The following WSCD2 variants were observed in gnomAD, a reference collection of about 807,000 sequenced individuals.
WSCD2 encodes WSC domain sialate O sulfotransferase 2.
WSCD2 carries 28 observed loss-of-function variants against 55.7 expected under a neutral mutation model. The observed-to-expected ratio is 0.50, with a 90% CI of 0.37 to 0.69. WSCD2 has a LOEUF of 0.69. Among genes scored for constraint, WSCD2 ranks in the 30% least tolerant of loss-of-function variants. The probability of loss-of-function intolerance (pLI) is 0.00; values close to 1 mark genes in which losing one functional copy is unlikely to be tolerated. For synonymous variants in WSCD2, 301 were observed against 301.9 expected (o/e 1.00, Z 0.03); for missense variants, 616 against 762.1 (o/e 0.81, Z 2.26).
chr12:108,132,673 G>A lies in WSCD2; in HGVS notation c.-552+2747G>A, dbSNP rs536548526. Among the ~76,000 whole-genome samples the A allele has an allele frequency of 3.3e-5, 5 of 152,332 alleles. No individual in the cohort carries two copies. The South Asian group carries it at 6.2e-4, about 19-fold the overall frequency. ...CAGGTGTATGCCTGCACAGATCCAC[G>A]TGTGTGCTCTAGGGGATCTGTGCAG... On this transcript the variant is annotated intron_variant, in intron 1 of 8. Coordinates refer to ENST00000547525, the MANE Select transcript of WSCD2 (RefSeq NM_014653.4).
rs927700018 is a variant in WSCD2 at position 108,227,247 on chromosome 12, C to T, written c.979+83C>T. The T allele has an allele frequency of 3.2e-5, 48 of 1,486,140 alleles. No homozygotes were observed. The South Asian group carries it at 5.4e-4, about 17-fold the overall frequency. 92.1% of individuals were successfully genotyped at this position (1,486,140 alleles called of 1,614,324 possible). ...GACGTGTTCCTGCCAGTCCATCCCA[C>T]ACAGCCTGCAGCAAGGAGAAAACCA... On this transcript the variant is annotated intron_variant, in intron 6 of 8. Coordinates refer to ENST00000547525, the MANE Select transcript of WSCD2 (RefSeq NM_014653.4).
intron 1 of WSCD2, among the ~76,000 whole-genome samples, chr12:108,131,341 G>A (rs1031216516): frequency 2.6e-5 from 4 of 152,176 alleles, no homozygotes; most frequent in Non-Finnish European, 5.9e-5. Context: ...ACACTCTATG[G>A]CCCTGAGTGA....
At chr12:108,174,778 C>G (rs1386912438) in intron 1 of WSCD2, among the ~76,000 whole-genome samples, 6 of 152,266 alleles carry the variant, frequency 3.9e-5, no homozygotes, top group Middle Eastern at 3.4e-3. Context: ...CTGCACCTGG[C>G]TAACTTTAAA....
intron 1 of WSCD2, among the ~76,000 whole-genome samples, chr12:108,133,375 G>A (rs1027964585): frequency 1.1e-4 from 16 of 152,040 alleles, no homozygotes; most frequent in Non-Finnish European, 1.6e-4. Flanking sequence ...ATCTCTGGGC[G>A]TACATGTGTG....
rs539335842 is a variant in WSCD2, at chr12:108,235,874, G to A, written c.1144+2979G>A. Among the ~76,000 whole-genome samples, 33 of 152,296 alleles carry A rather than the reference G, an allele frequency of 2.2e-4. No homozygotes were observed. The South Asian group carries it at 6.8e-3, about 32-fold the overall frequency. Reference sequence around the variant, plus strand: ...TCTCCCTGGGAGCTTGGAGTTGGCAGTAGGGGTATAGACAAAATGAAGAGC... The same window carrying A: ...TCTCCCTGGGAGCTTGGAGTTGGCAATAGGGGTATAGACAAAATGAAGAGC... On this transcript the variant is annotated intron_variant, in intron 7 of 8. Transcript: ENST00000547525.
At chr12:108,131,089 C>T (rs1365966935) in intron 1 of WSCD2, among the ~76,000 whole-genome samples, 1 of 152,108 alleles carries the variant, frequency 6.6e-6, no homozygotes, top group East Asian at 1.9e-4. Flanking sequence ...GGATTCCGAT[C>T]TCAGGCCAAG....
In WSCD2 at chr12:108,129,423, C is replaced by T. The variant is rs1187354018; in HGVS notation, c.-1055C>T. ...AGAGAGCCAGGCGGCCGGAGCTCCG[C>T]GCCGAGCCGCAGCCGGTGCCCTGCG... On this transcript the variant is annotated 5_prime_UTR_variant, in exon 1 of 9. Transcript: ENST00000547525. 5 of 150,810 alleles carry T rather than the reference C, an allele frequency of 3.3e-5. No homozygotes were observed. Among genetic ancestry groups the T allele is most frequent in the Non-Finnish European group, 7.4e-5 (5 of 67,248 alleles). The allele number at this position is 150,810 out of a possible 1,614,324, so 9.3% of individuals were successfully genotyped here. A position where few individuals can be genotyped will look rare whatever the true frequency, so the allele number is the denominator to read the frequency against.
intron 1 of WSCD2, among the ~76,000 whole-genome samples, chr12:108,130,478 GTGTGTGTGTGTGTGTGT>G: frequency 2.1e-5 from 1 of 46,576 alleles, no homozygotes; most frequent in East Asian, 3.7e-4. Flanking sequence ...ATTCTGGGGT[GTGTGTGTGTGTGTGTGT>G]GTGTGTGTGT....
intron 4 of WSCD2, among the ~76,000 whole-genome samples, chr12:108,214,074 C>A (rs922866501): frequency 1.3e-5 from 2 of 152,196 alleles, no homozygotes; most frequent in Non-Finnish European, 2.9e-5. Context: ...AAGTCACTGG[C>A]ACACAACTCT....
rs1003631641 is a variant in WSCD2 at position 108,210,727 on chromosome 12, A to G, written c.682+422A>G. 6.6e-6 allele frequency among the ~76,000 whole-genome samples: 1 copy of G among 152,198 alleles called. No homozygotes were observed. The highest frequency in any genetic ancestry group is 1.5e-5 in the Non-Finnish European group (1 of 68,032). Reference sequence around the variant, plus strand: ...TAGAATAGCACATCTAATCTTCACAATGACCCTTGACATAGGTACTATTAT... The same window carrying G: ...TAGAATAGCACATCTAATCTTCACAGTGACCCTTGACATAGGTACTATTAT... On this transcript the variant is annotated intron_variant, in intron 4 of 8. Coordinates refer to ENST00000547525, the MANE Select transcript of WSCD2 (RefSeq NM_014653.4). The surrounding 1 kb of genome is among the most constrained non-coding windows in gnomAD (Gnocchi z 4.3).
intron 3 of WSCD2, among the ~76,000 whole-genome samples, chr12:108,209,648 G>A (rs1372412585): frequency 6.6e-6 from 1 of 151,928 alleles, no homozygotes; most frequent in Non-Finnish European, 1.5e-5. Flanking sequence ...GGGCCTCCCT[G>A]TATTCCTTCT....
intron 1 of WSCD2, among the ~76,000 whole-genome samples, chr12:108,169,893 A>G (rs1880053517): frequency 6.6e-6 from 1 of 152,208 alleles, no homozygotes; most frequent in Non-Finnish European, 1.5e-5. Context: ...CACCCCAAAC[A>G]AGGTCCTCAC....
At chr12:108,150,731 C>T (rs974425775) in intron 1 of WSCD2, among the ~76,000 whole-genome samples, 11 of 152,134 alleles carry the variant, frequency 7.2e-5, no homozygotes, top group African/African-American at 2.7e-4. Context: ...CTCTCTCTGC[C>T]CACCCTGCCC....
intron 1 of WSCD2, among the ~76,000 whole-genome samples, chr12:108,174,099 C>T (rs1420442951): frequency 2.6e-5 from 4 of 152,044 alleles, no homozygotes; most frequent in South Asian, 4.2e-4. Flanking sequence ...ATGACAAAAC[C>T]GAGGCCCAGT....
chr12:108,135,182 A>G (rs1379864888), intron 1 of WSCD2, among the ~76,000 whole-genome samples: 1 of 152,176 alleles, frequency 6.6e-6, no homozygotes, highest in Admixed American at 6.5e-5. Flanking sequence ...CCATGCATCC[A>G]TTCAAGTATT....
chr12:108,240,499 G>A lies in WSCD2; in HGVS notation c.1300G>A (p.Gly434Ser), dbSNP rs928043212. 1.9e-6 allele frequency: 3 copies of A among 1,613,288 alleles called. No individual in the cohort carries two copies. Among genetic ancestry groups the A allele is most frequent in the South Asian group, 1.1e-5 (1 of 91,080 alleles). The change falls in exon 8 of 9, where the codon GGC (glycine) becomes AGC (serine). Residue 434 changes from glycine (G) to serine (S), a missense_variant. Gly to Ser is a moderately conservative substitution (Grantham distance 56). Around this residue, in one of 3 missense-constraint regions of WSCD2, gnomAD observed 234 missense variants for 264.6 expected, o/e 0.88. Coordinates refer to ENST00000547525, the MANE Select transcript of WSCD2 (RefSeq NM_014653.4). ...CATGGCTGAGTTCAACCGCAAGTAC[G>A]GCGGCCACATAGGCTTTGCTGCGCA... ...ALMAEFNRKYGGHIGFAAHAH... is the reference protein window; with the variant it reads ...ALMAEFNRKYSGHIGFAAHAH...
intron 2 of WSCD2, among the ~76,000 whole-genome samples, chr12:108,202,718 A>C (rs1247706068): frequency 6.6e-6 from 1 of 152,218 alleles, no homozygotes. Context: ...GCAGGGTGGT[A>C]GGAGGGAGAA....
intron 8 of WSCD2, among the ~76,000 whole-genome samples, chr12:108,244,829 C>A (rs1009134205): frequency 1.3e-5 from 2 of 152,022 alleles, no homozygotes; most frequent in African/African-American, 4.8e-5. Flanking sequence ...GCTGATCAGA[C>A]CAGGTGCTCT....
At chr12:108,166,557 C>T (rs1192090835) in intron 1 of WSCD2, among the ~76,000 whole-genome samples, 1 of 152,150 alleles carries the variant, frequency 6.6e-6, no homozygotes, top group African/African-American at 2.4e-5. Flanking sequence ...CTCGCAGGCA[C>T]AGATACTAAA....
Sources: allele counts gnomAD v4.1 joint callset (sites outside exome capture counted in the v4.1 genomes callset), GRCh38; gene constraint gnomAD v4.1.1; regional missense constraint gnomAD v4.1.1; non-coding constraint Gnocchi (gnomAD v3.1); transcripts MANE v1.5; gene names NCBI Gene and HGNC (gene_info 2026-07-23, HGNC 2026-07-21).